Variants in EYS observed in about 807,000 individuals in gnomAD.
EYS encodes the protein protein eyes shut homolog.
EYS carries 250 observed loss-of-function variants against 282.1 expected under a neutral mutation model. The ratio of observed to expected loss-of-function variants is 0.89; its 90% CI spans 0.80 to 0.98. The LOEUF (loss-of-function observed/expected upper bound fraction) is 0.98, where lower values mean the gene tolerates loss of function less well. Ranked by LOEUF, EYS falls within the 50% of genes least tolerant of loss-of-function variation. The pLI is 0.00. For missense variants in EYS, 4,016 were observed against 3,709.0 expected (o/e 1.08, Z -2.15); for synonymous variants, 1,355 against 1,282.9 (o/e 1.06, Z -1.20).
intron 19 of EYS, among the ~76,000 whole-genome samples, chr6:64,855,061 G>A (rs568542456): frequency 8.6e-5 from 13 of 151,988 alleles, no homozygotes; most frequent in African/African-American, 2.9e-4. Context: ...TTATTATAAT[G>A]TTTTCATATT....
At chr6:64,900,584 A>G (rs1381280717) in intron 18 of EYS, among the ~76,000 whole-genome samples, 1 of 152,214 alleles carries the variant, frequency 6.6e-6, no homozygotes, top group Non-Finnish European at 1.5e-5. Flanking sequence ...ATGAACACAC[A>G]CTTTTCAAAA....
At chr6:64,862,806 AT>A (rs537125846) in intron 19 of EYS, among the ~76,000 whole-genome samples, 1 of 152,120 alleles carries the variant, frequency 6.6e-6, no homozygotes, top group Non-Finnish European at 1.5e-5. Flanking sequence ...GCTAATTTAC[AT>A]TGTTTCTGAT....
At chr6:65,195,750 C>A (rs1413395683) in intron 12 of EYS, among the ~76,000 whole-genome samples, 1 of 152,012 alleles carries the variant, frequency 6.6e-6, no homozygotes, top group Admixed American at 6.6e-5. Context: ...ATGCAAAAGC[C>A]TCTGTTATTC....
intron 36 of EYS, among the ~76,000 whole-genome samples, chr6:63,829,004 T>C (rs904306899): frequency 6.6e-6 from 1 of 152,180 alleles, no homozygotes; most frequent in African/African-American, 2.4e-5. Context: ...AAAGAAGTCA[T>C]TATTCAAAAA....
chr6:64,860,235 G>A (rs572063099), intron 19 of EYS, among the ~76,000 whole-genome samples: 39 of 152,328 alleles, frequency 2.6e-4, no homozygotes, highest in Admixed American at 8.5e-4. Context: ...CACTTTGCCA[G>A]CCAGAAAACT....
intron 12 of EYS, among the ~76,000 whole-genome samples, chr6:65,061,339 CAAATT>C (rs1561946158): frequency 6.6e-6 from 1 of 152,004 alleles, no homozygotes; most frequent in East Asian, 1.9e-4. Flanking sequence ...TCTGGGCAGA[CAAATT>C]AAACAATCAA....
chr6:65,140,284 A>C (rs1764294834), intron 12 of EYS, among the ~76,000 whole-genome samples: 1 of 152,012 alleles, frequency 6.6e-6, no homozygotes, highest in Admixed American at 6.6e-5. Context: ...GGCAGAGGAA[A>C]GAATTGGTGA....
chr6:64,460,197 T>G (rs1373028992), intron 26 of EYS, among the ~76,000 whole-genome samples: 3 of 152,212 alleles, frequency 2.0e-5, no homozygotes, highest in Non-Finnish European at 4.4e-5. Flanking sequence ...GGCATAATTA[T>G]AATACACTAT....
At chr6:63,825,899 C>T (rs895399000) in intron 36 of EYS, among the ~76,000 whole-genome samples, 1 of 152,040 alleles carries the variant, frequency 6.6e-6, no homozygotes. Flanking sequence ...GAAGAAATCC[C>T]TGAGATAGTT....
At chr6:63,751,731 A>G (rs923413003) in intron 41 of EYS, among the ~76,000 whole-genome samples, 1 of 152,156 alleles carries the variant, frequency 6.6e-6, no homozygotes, top group Non-Finnish European at 1.5e-5. Context: ...GAGCAATTAA[A>G]CCTGTTGTCT....
chr6:64,764,206 A>G (rs1249091556), intron 22 of EYS, among the ~76,000 whole-genome samples: 2 of 152,218 alleles, frequency 1.3e-5, no homozygotes, highest in African/African-American at 4.8e-5. Flanking sequence ...GCCCTAGTAG[A>G]TGTTCTCCCT....
chr6:64,688,936 C>A (rs1023460276), intron 22 of EYS, among the ~76,000 whole-genome samples: 1 of 151,772 alleles, frequency 6.6e-6, no homozygotes, highest in South Asian at 2.1e-4. Context: ...TCTCTCACCA[C>A]TCCTATTCAA....
intron 29 of EYS, among the ~76,000 whole-genome samples, chr6:64,311,634 C>A (rs374874117): frequency 6.6e-6 from 1 of 152,122 alleles, no homozygotes; most frequent in African/African-American, 2.4e-5. Flanking sequence ...TCAAGATCAA[C>A]GCAGAAGGCA....
At chr6:64,886,241 C>T (rs62417122) in intron 19 of EYS, among the ~76,000 whole-genome samples, 23,442 of 151,702 alleles carry the variant, frequency 0.15, 2,142 homozygotes, top group East Asian at 0.49. Context: ...AAAATTTATG[C>T]TGTGAAATAA....
At chr6:65,215,919 A>T (rs114003167) in intron 12 of EYS, among the ~76,000 whole-genome samples, 100 of 152,338 alleles carry the variant, frequency 6.6e-4, no homozygotes, top group African/African-American at 2.3e-3. Context: ...GTTTTTGTAG[A>T]TATAATATTA....
At chr6:64,218,253 G>A (rs1765992897) in intron 31 of EYS, among the ~76,000 whole-genome samples, 1 of 152,132 alleles carries the variant, frequency 6.6e-6, no homozygotes. Flanking sequence ...ACAGGCCTCT[G>A]ACCTCCCTTT....
chr6:64,253,011 C>T (rs1767273764), intron 30 of EYS, among the ~76,000 whole-genome samples: 1 of 151,958 alleles, frequency 6.6e-6, no homozygotes, highest in South Asian at 2.1e-4. Flanking sequence ...ACATAAAGGC[C>T]ACTGCATATT....
At chr6:65,588,873 A>G (rs1224746246) in intron 2 of EYS, among the ~76,000 whole-genome samples, 1 of 147,540 alleles carries the variant, frequency 6.8e-6, no homozygotes, top group Non-Finnish European at 1.5e-5. Context: ...AATAGGATAT[A>G]TACATCAGGC....
chr6:64,134,701 C>A (rs4710465), intron 31 of EYS, among the ~76,000 whole-genome samples: 1 of 151,694 alleles, frequency 6.6e-6, no homozygotes, highest in African/African-American at 2.4e-5. Flanking sequence ...AAATGGGAAC[C>A]CAGTGTCTCA....
Sources: gnomAD v4.1 joint callset for allele counts (sites outside exome capture counted in the v4.1 genomes callset) on GRCh38, gnomAD v4.1.1 for gene constraint, MANE v1.5 for transcripts, NCBI Gene and HGNC (gene_info 2026-07-23, HGNC 2026-07-21) for gene names.